Variants in MGMT observed in about 807,000 individuals in gnomAD.
MGMT encodes methylated-DNA--protein-cysteine methyltransferase.
MGMT carries 14 observed loss-of-function variants against 15.9 expected under a neutral mutation model. The observed-to-expected ratio is 0.88, with a 90% CI of 0.58 to 1.37. The LOEUF (loss-of-function observed/expected upper bound fraction) is 1.37. Ranked by LOEUF, MGMT falls within the 40% of genes most tolerant of loss-of-function variation. The pLI, the probability that MGMT is intolerant of heterozygous loss-of-function variation, is 0.00. For synonymous variants in MGMT, 130 were observed against 118.2 expected, an observed-to-expected ratio of 1.10 and a Z score of -0.65; for missense variants, 282 against 268.1, an observed-to-expected ratio of 1.05 and a Z score of -0.36.
intron 3 of MGMT, among the ~76,000 whole-genome samples, chr10:129,729,180 C>T (rs1041803644): frequency 2.0e-5 from 3 of 152,110 alleles, no homozygotes; most frequent in Non-Finnish European, 2.9e-5. Flanking sequence ...AGCTCATCCT[C>T]TGTAACAGGA....
At chr10:129,679,840 A>T (rs1371567389) in intron 2 of MGMT, among the ~76,000 whole-genome samples, 1 of 152,226 alleles carries the variant, frequency 6.6e-6, no homozygotes, top group Non-Finnish European at 1.5e-5. Context: ...ATACCAGACA[A>T]CACATCATTT....
Position 129,580,232 on chromosome 10 carries a change from C to T in MGMT, c.125+43855C>T, listed in dbSNP as rs76778103. Among the ~76,000 whole-genome samples the T allele has an allele frequency of 4.7e-3, 718 of 152,240 alleles. 3 individuals are homozygous for T. The highest frequency in any genetic ancestry group is 0.016 in the African/African-American group (658 of 41,542). ...TGCTGTGCCCGGGGGGGCGGGACTG[C>T]GCAGGATCAGGGGGATGCGCGGGAG... On this transcript the variant is annotated intron_variant, in intron 2 of 4. Transcript: ENST00000651593.
intron 3 of MGMT, among the ~76,000 whole-genome samples, chr10:129,744,843 A>C (rs1417664062): frequency 6.6e-6 from 1 of 152,182 alleles, no homozygotes; most frequent in East Asian, 1.9e-4. Flanking sequence ...GGTTGTGTTT[A>C]CAGAAGATGC....
chr10:129,738,791 C>G (rs1363259747), intron 3 of MGMT, among the ~76,000 whole-genome samples: 3 of 152,220 alleles, frequency 2.0e-5, no homozygotes, highest in Non-Finnish European at 4.4e-5. Flanking sequence ...GGAATCCTCA[C>G]TAACTCATTT....
chr10:129,591,353 G>A (rs146497369), intron 2 of MGMT, among the ~76,000 whole-genome samples: 2 of 152,306 alleles, frequency 1.3e-5, no homozygotes, highest in Non-Finnish European at 2.9e-5. Context: ...TGGTCCACTC[G>A]TGCGGGAAGA....
intron 1 of MGMT, among the ~76,000 whole-genome samples, chr10:129,510,360 G>A (rs199731223): frequency 1.3e-5 from 2 of 152,162 alleles, no homozygotes; most frequent in Admixed American, 1.3e-4. Flanking sequence ...GGACTGAATC[G>A]GTGCAGAGCC....
intron 2 of MGMT, among the ~76,000 whole-genome samples, chr10:129,576,597 C>T (rs941392918): frequency 1.3e-5 from 2 of 152,160 alleles, no homozygotes; most frequent in African/African-American, 2.4e-5. Context: ...TGGACAAAAA[C>T]TGGAAGCATT....
At chr10:129,613,348 C>T (rs1846984137) in intron 2 of MGMT, among the ~76,000 whole-genome samples, 1 of 152,186 alleles carries the variant, frequency 6.6e-6, no homozygotes, top group Admixed American at 6.5e-5. Flanking sequence ...CCACATTTTG[C>T]CTGTGATTTG....
rs926991035 is a variant in MGMT, at chr10:129,568,315, G to T, written c.125+31938G>T. Among the ~76,000 whole-genome samples the T allele has an allele frequency of 9.2e-5, 14 of 152,318 alleles. 1 individual carries two copies. Among genetic ancestry groups the T allele is most frequent in the Middle Eastern group, 6.8e-3 (2 of 294 alleles). ...GACAGGGGAGCAGGTTTACAGCTCAGGACACTGGGGTGCCACGGGGACCTG... is the reference window on the plus strand; with the variant it reads ...GACAGGGGAGCAGGTTTACAGCTCATGACACTGGGGTGCCACGGGGACCTG... On this transcript the variant is annotated intron_variant, in intron 2 of 4. Transcript: ENST00000651593.
At chr10:129,594,703 G>A (rs1229145071) in intron 2 of MGMT, among the ~76,000 whole-genome samples, 1 of 152,194 alleles carries the variant, frequency 6.6e-6, no homozygotes, top group Non-Finnish European at 1.5e-5. Context: ...TGGGGCTGGA[G>A]ACAGCAGAAT....
intron 3 of MGMT, among the ~76,000 whole-genome samples, chr10:129,715,979 G>A (rs1203435303): frequency 6.6e-6 from 1 of 152,244 alleles, no homozygotes. Flanking sequence ...CCTGTTGGAG[G>A]TACGCGGCGG....
intron 2 of MGMT, among the ~76,000 whole-genome samples, chr10:129,544,900 C>G (rs1275119053): frequency 6.6e-6 from 1 of 152,194 alleles, no homozygotes; most frequent in Non-Finnish European, 1.5e-5. Flanking sequence ...ATTTCTGTTT[C>G]CTCCTGGAGT....
At chr10:129,510,236 A>G (rs57340816) in intron 1 of MGMT, among the ~76,000 whole-genome samples, 1 of 152,136 alleles carries the variant, frequency 6.6e-6, no homozygotes, top group Non-Finnish European at 1.5e-5. Context: ...AGGCTAAAAT[A>G]TAACATAGTT....
At chr10:129,737,754 G>C (rs1848580866) in intron 3 of MGMT, among the ~76,000 whole-genome samples, 2 of 152,158 alleles carry the variant, frequency 1.3e-5, no homozygotes, top group African/African-American at 4.8e-5. Context: ...CTTTCTGTTT[G>C]TTAGTTTTCC....
At chr10:129,494,061 A>G (rs1845495910) in intron 1 of MGMT, among the ~76,000 whole-genome samples, 1 of 152,168 alleles carries the variant, frequency 6.6e-6, no homozygotes, top group African/African-American at 2.4e-5. Flanking sequence ...ATTTAGGGCA[A>G]TTTCATATCT....
chr10:129,508,010 C>T (rs1040151194), intron 1 of MGMT, among the ~76,000 whole-genome samples: 1 of 152,120 alleles, frequency 6.6e-6, no homozygotes, highest in Non-Finnish European at 1.5e-5. Flanking sequence ...GCCCTTTGTT[C>T]TGTGACATTT....
At chr10:129,731,627 C>G (rs1848499230) in intron 3 of MGMT, among the ~76,000 whole-genome samples, 1 of 152,124 alleles carries the variant, frequency 6.6e-6, no homozygotes, top group Non-Finnish European at 1.5e-5. Flanking sequence ...AACTCCTGAT[C>G]TTGTGATCCA....
intron 2 of MGMT, among the ~76,000 whole-genome samples, chr10:129,593,161 T>G (rs1269525401): frequency 6.6e-6 from 1 of 152,320 alleles, no homozygotes; most frequent in African/African-American, 2.4e-5. Flanking sequence ...AGGGAGGGTC[T>G]TCGGGCATCC....
At chr10:129,749,265 C>A (rs1239535043) in intron 3 of MGMT, among the ~76,000 whole-genome samples, 2 of 152,096 alleles carry the variant, frequency 1.3e-5, no homozygotes, top group Non-Finnish European at 1.5e-5. Context: ...CCCTAAAAAT[C>A]CCCCTGTGCT....
Sources: allele counts gnomAD v4.1 joint callset (sites outside exome capture counted in the v4.1 genomes callset), GRCh38; gene constraint gnomAD v4.1.1; transcripts MANE v1.5; gene names NCBI Gene and HGNC (gene_info 2026-07-23, HGNC 2026-07-21).